VPS8: variants seen among roughly 807,000 people sequenced by gnomAD.
VPS8 encodes the protein vacuolar protein sorting-associated protein 8 homolog.
VPS8 carries 129 observed loss-of-function variants against 216.4 expected under a neutral mutation model. The observed-to-expected ratio is 0.60, with a 90% CI of 0.52 to 0.69. The LOEUF is 0.69. VPS8 is among the 30% of genes least tolerant of loss of function. The pLI is 0.00. For synonymous variants in VPS8, 571 were observed against 565.4 expected (o/e 1.01, Z -0.14); for missense variants, 1,531 against 1,683.5 (o/e 0.91, Z 1.59).
At chr3:184,869,374 C>T (rs181445926) in intron 19 of VPS8, 108 bp from the exon 20 acceptor site, 8 of 1,153,460 alleles carry the variant, frequency 6.9e-6, no homozygotes, top group African/African-American at 1.5e-5. Flanking sequence ...AGAATTGTTA[C>T]AATTATACCT....
At chr3:184,988,020 CTTG>C (rs1220987498) in intron 42 of VPS8, among the ~76,000 whole-genome samples, 3 of 152,050 alleles carry the variant, frequency 2.0e-5, no homozygotes, top group Non-Finnish European at 4.4e-5. Context: ...TGTTTGTTTT[CTTG>C]TTGTTGGGTT....
intron 42 of VPS8, among the ~76,000 whole-genome samples, chr3:184,984,370 C>T (rs1185445431): frequency 2.0e-5 from 3 of 149,368 alleles, no homozygotes; most frequent in East Asian, 2.0e-4. Context: ...CTTGGCTCAC[C>T]GCAACCTCCG....
At position 185,048,536 on chromosome 3, in the gene VPS8, C is replaced by T. The variant is rs1212104561; in HGVS notation, c.4114C>T (p.Arg1372Cys). ...QQIQAFDQLC[R>C]LYRGSSRLAL... ...AATCCAAGCATTTGATCAGCTTTGC[C>T]GTCTCTACCGAGGAAGCTCCAGGGT... Residue 1372 changes from arginine to cysteine, a missense_variant, in exon 47 of 48, where the codon CGT (arginine) becomes TGT (cysteine). By Grantham distance (180) the Arg-to-Cys change is radical. This residue lies in a region of VPS8 where 1,318 missense variants were observed against 1,468.4 expected (regional missense o/e 0.90). Transcript: ENST00000625842. The T allele has an allele frequency of 6.2e-6, 10 of 1,613,926 alleles. No individual in the cohort carries two copies. Among genetic ancestry groups the T allele is most frequent in the Admixed American group, 5.0e-5 (3 of 60,024 alleles).
chr3:184,844,439 A>T (rs759747196), intron 8 of VPS8, among the ~76,000 whole-genome samples: 9 of 152,048 alleles, frequency 5.9e-5, no homozygotes, highest in Admixed American at 2.0e-4. Flanking sequence ...AATAAATAAA[A>T]AATAAAAAAT....
chr3:184,864,873 A>G (rs1727042586), intron 16 of VPS8, among the ~76,000 whole-genome samples: 1 of 152,214 alleles, frequency 6.6e-6, no homozygotes, highest in Non-Finnish European at 1.5e-5. Context: ...AGAAAAATAA[A>G]AACTAAATCA....
intron 45 of VPS8, among the ~76,000 whole-genome samples, chr3:185,013,904 C>T (rs1755405183): frequency 6.6e-6 from 1 of 152,206 alleles, no homozygotes; most frequent in Non-Finnish European, 1.5e-5. Context: ...TGTGCAGCAC[C>T]TCTGCCTTTT....
chr3:184,847,183 AG>A (rs909620264), intron 8 of VPS8, among the ~76,000 whole-genome samples: 1 of 152,220 alleles, frequency 6.6e-6, no homozygotes, highest in African/African-American at 2.4e-5. Context: ...TGAAAAAAAT[AG>A]AGTATTTTCT....
chr3:185,050,839 T>C (rs1287855319), intron 47 of VPS8, among the ~76,000 whole-genome samples: 1 of 152,090 alleles, frequency 6.6e-6, no homozygotes, highest in Non-Finnish European at 1.5e-5. Flanking sequence ...CTGGCCTCCA[T>C]GTGAGCCTAC....
At chr3:184,832,892 T>A in intron 4 of VPS8, 73 bp downstream of exon 4, 2 of 1,522,622 alleles carry the variant, frequency 1.3e-6, no homozygotes, top group Non-Finnish European at 1.8e-6. Context: ...TATTGTACTT[T>A]TTAAAGTACA....
intron 23 of VPS8, 98 bp from the exon 24 acceptor site, chr3:184,898,467 T>C: frequency 1.1e-6 from 1 of 931,218 alleles, no homozygotes. Flanking sequence ...ACAAGAAAAA[T>C]TAGGGAAGAG....
intron 45 of VPS8, among the ~76,000 whole-genome samples, chr3:185,009,985 CAAAAAAAA>C (rs11367805): frequency 1.1e-4 from 10 of 91,402 alleles, no homozygotes; most frequent in South Asian, 7.6e-4. Flanking sequence ...ACTTCAGGTC[CAAAAAAAA>C]AAAAAAAAAA....
chr3:184,969,149 G>A (rs1050153289), intron 39 of VPS8, among the ~76,000 whole-genome samples: 5 of 151,998 alleles, frequency 3.3e-5, no homozygotes, highest in African/African-American at 9.7e-5. Flanking sequence ...ACGGCGTCTC[G>A]CTCTGTTGCC....
intron 46 of VPS8, among the ~76,000 whole-genome samples, chr3:185,026,096 G>T (rs1577205462): frequency 6.6e-6 from 1 of 152,014 alleles, no homozygotes; most frequent in Non-Finnish European, 1.5e-5. Context: ...GTATAATATT[G>T]TTCATTCAGC....
At position 184,910,378 on chromosome 3, in the gene VPS8, G is replaced by A. The variant is rs573002741; in HGVS notation, c.2147-3141G>A. On this transcript the variant is annotated intron_variant, in intron 25 of 47. Coordinates refer to ENST00000625842, the MANE Select transcript of VPS8 (RefSeq NM_001009921.3). ...CTCTGCTGTGCTTGCCACACAGACA[G>A]CACTTAGACCCAGGCCAAAAGCCAC... Among the ~76,000 whole-genome samples, 6 of 152,212 alleles carry A rather than the reference G, an allele frequency of 3.9e-5. No individual in the cohort carries two copies. In the South Asian group the frequency reaches 1.2e-3, roughly 32 times the overall value.
intron 25 of VPS8, among the ~76,000 whole-genome samples, chr3:184,910,306 G>A (rs755505642): frequency 1.6e-4 from 25 of 151,894 alleles, no homozygotes; most frequent in African/African-American, 4.4e-4. Context: ...TTAACTTCAC[G>A]TTTCCCTTGC....
At chr3:184,925,010 G>GT (rs1183282028) in intron 30 of VPS8, 29 bp downstream of exon 30, 21 of 1,595,686 alleles carry the variant, frequency 1.3e-5, no homozygotes, top group Admixed American at 3.5e-5. Context: ...AAACTAAAAG[G>GT]TTTTTTCCTG....
At chr3:184,967,881 C>G (rs921738703) in intron 39 of VPS8, among the ~76,000 whole-genome samples, 17 of 151,816 alleles carry the variant, frequency 1.1e-4, no homozygotes, top group African/African-American at 3.9e-4. Flanking sequence ...AAAATATACC[C>G]TAACATAAAA....
intron 37 of VPS8, among the ~76,000 whole-genome samples, chr3:184,959,805 C>CT (rs1327486175): frequency 5.3e-5 from 8 of 151,260 alleles, no homozygotes; most frequent in South Asian, 2.1e-4. Flanking sequence ...TTTCTTTTTT[C>CT]TTTTTTTTCC....
At chr3:184,865,408 C>G (rs1315111621) in intron 16 of VPS8, among the ~76,000 whole-genome samples, 1 of 152,008 alleles carries the variant, frequency 6.6e-6, no homozygotes, top group Non-Finnish European at 1.5e-5. Context: ...TGCAGAGGAG[C>G]AATAATTATG....
Sources: gnomAD v4.1 joint callset for allele counts (sites outside exome capture counted in the v4.1 genomes callset) on GRCh38, gnomAD v4.1.1 for gene constraint, gnomAD v4.1.1 regional missense constraint, MANE v1.5 for transcripts, NCBI Gene and HGNC (gene_info 2026-07-23, HGNC 2026-07-21) for gene names.